The following NR1D1 variants were observed in gnomAD, a reference collection of about 807,000 sequenced individuals.
NR1D1 encodes the protein Rev-ErbAalpha.
In NR1D1, 17 loss-of-function variants were observed where a neutral mutation model predicts 51.1. The ratio of observed to expected loss-of-function variants is 0.33; its 90% CI spans 0.23 to 0.50. The LOEUF (loss-of-function observed/expected upper bound fraction) is 0.50, where lower values mean the gene tolerates loss of function less well. Ranked by LOEUF, NR1D1 falls within the 20% of genes least tolerant of loss-of-function variation. The pLI is 0.98. For missense variants in NR1D1, 647 were observed against 830.4 expected (o/e 0.78, Z 2.71); for synonymous variants, 341 against 333.4 (o/e 1.02, Z -0.25).
chr17:40,097,220 G>A lies in NR1D1; in HGVS notation c.215C>T (p.Pro72Leu), dbSNP rs768306746. Residue 72 changes from proline (P) to leucine (L), a missense_variant, in exon 2 of 8, where the codon CCA (proline) becomes CTA (leucine). Coordinates refer to ENST00000246672, the MANE Select transcript of NR1D1 (RefSeq NM_021724.5). Reference protein sequence around the residue: ...QDPARSFGSIPPSLSDDGSPS... With the variant: ...QDPARSFGSILPSLSDDGSPS... ...GGAGCCGTCATCACTCAGGCTGGGT[G>A]GAATGCTCCCAAAGGAGCGAGCCGG... The A allele has an allele frequency of 6.2e-7, 1 of 1,611,802 alleles. No homozygotes were observed. The highest frequency in any genetic ancestry group is 2.2e-5 in the East Asian group (1 of 44,840).
chr17:40,093,539 C>A lies in NR1D1; in HGVS notation c.1646-257G>T. On this transcript the variant is annotated intron_variant, in intron 7 of 7. Coordinates refer to ENST00000246672, the MANE Select transcript of NR1D1 (RefSeq NM_021724.5). The surrounding 1 kb of genome is among the most constrained non-coding windows in gnomAD (Gnocchi z 5.9). ...GACCACCTTCCCTTCCTCAGCAGGC[C>A]AAACATGGCCAGACTCCCTTGCTTT... 1 of 1,185,134 alleles carries A rather than the reference C, an allele frequency of 8.4e-7. No homozygotes were observed. The highest frequency in any genetic ancestry group is 1.2e-6 in the Non-Finnish European group (1 of 865,676). The allele number at this position is 1,185,134 out of a possible 1,614,324, so 73.4% of individuals were successfully genotyped here.
In NR1D1 at chr17:40,093,205, G is replaced by A. The variant is rs199728227; in HGVS notation, c.1723C>T (p.Leu575=). ...TLLRALRALV[L]KNRPLETSRF... ...GAAGTCTCCAAGGGCCGGTTCTTCA[G>A]CACCAGAGCCCGAAGAGCCCGCAGC... The change falls in exon 8 of 8, where the codon CTG becomes TTG. Residue 575 remains leucine (L), a synonymous_variant. Transcript: ENST00000246672. The surrounding 1 kb of genome is among the most constrained non-coding windows in gnomAD (Gnocchi z 5.9). 16 of 1,613,708 alleles carry A rather than the reference G, an allele frequency of 9.9e-6. No homozygotes were observed. Among genetic ancestry groups the A allele is most frequent in the Non-Finnish European group, 1.2e-5 (14 of 1,180,046 alleles).
In NR1D1 at chr17:40,094,497, C is replaced by T. The variant is rs192054440; in HGVS notation, c.1435-375G>A. Among the ~76,000 whole-genome samples, 482 of 152,352 alleles carry T rather than the reference C, an allele frequency of 3.2e-3. 2 individuals carry two copies. Among genetic ancestry groups the T allele is most frequent in the African/African-American group, 9.9e-3 (413 of 41,586 alleles). On this transcript the variant is annotated intron_variant, in intron 6 of 7. Transcript: ENST00000246672. Reference sequence around the variant, plus strand: ...GGAAGCAGCAGGAGCCGCTCAGCCCCTTTCACCAATCAGGCTATAAGGACA... The same window carrying T: ...GGAAGCAGCAGGAGCCGCTCAGCCCTTTTCACCAATCAGGCTATAAGGACA...
intron 5 of NR1D1, 48 bp from the exon 6 acceptor site, chr17:40,095,168 C>G (rs2145100415): frequency 3.8e-6 from 6 of 1,564,528 alleles, no homozygotes; most frequent in Non-Finnish European, 5.2e-6. Flanking sequence ...CAGGCTGGGT[C>G]AGATGGACGC....
Position 40,094,216 on chromosome 17 carries a change from C to T in NR1D1, c.1435-94G>A, listed in dbSNP as rs1987699026. 7.2e-6 allele frequency: 8 copies of T among 1,116,680 alleles called. No homozygotes were observed. In the South Asian group the frequency reaches 7.8e-5, roughly 11 times the overall value. The allele number at this position is 1,116,680 out of a possible 1,614,324, so 69.2% of individuals were successfully genotyped here. A position where few individuals can be genotyped will look rare whatever the true frequency, so the allele number is the denominator to read the frequency against. On this transcript the variant is annotated intron_variant, in intron 6 of 7. Transcript: ENST00000246672. ...TTGCCAGAGGGTTTAGCGGTGCTGC[C>T]TTCGATTTCTCAGTAGAGTGGGGGT...
chr17:40,094,142 GT>G lies in NR1D1; in HGVS notation c.1435-21del. On this transcript the variant is annotated intron_variant, in intron 6 of 7. Transcript: ENST00000246672. ...CAGCACCTAGGAGGGAAGGGGAACA[GT>G]CATCCTGGGTGTGGTGGGAGGAGCA... 6.2e-7 allele frequency: 1 copy of G among 1,609,500 alleles called. No homozygotes were observed. Among genetic ancestry groups the G allele is most frequent in the African/African-American group, 1.3e-5 (1 of 74,974 alleles).
intron 1 of NR1D1, among the ~76,000 whole-genome samples, chr17:40,099,028 G>A (rs1408567315): frequency 6.6e-6 from 1 of 151,272 alleles, no homozygotes; most frequent in South Asian, 2.1e-4. Context: ...GGGCCGGGCA[G>A]GCGGACCGGA....
chr17:40,093,307 G>A lies in NR1D1; in HGVS notation c.1646-25C>T, dbSNP rs1337049461. ...TCTGTGGGGAAGACGACAGCAGTGAGGCGGACTCCCCGAGCTCCTCTGAGG... is the reference window on the plus strand; with the variant it reads ...TCTGTGGGGAAGACGACAGCAGTGAAGCGGACTCCCCGAGCTCCTCTGAGG... On this transcript the variant is annotated intron_variant, in intron 7 of 7. Coordinates refer to ENST00000246672, the MANE Select transcript of NR1D1 (RefSeq NM_021724.5). This position sits in a 1 kb window ranked among gnomAD's most constrained non-coding sequence, Gnocchi z 5.9. The A allele has an allele frequency of 1.2e-6, 2 of 1,613,452 alleles. No homozygotes were observed. The highest frequency in any genetic ancestry group is 3.3e-5 in the Admixed American group (2 of 60,020).
At chr17:40,099,316 GGA>G in intron 1 of NR1D1, among the ~76,000 whole-genome samples, 1 of 152,264 alleles carries the variant, frequency 6.6e-6, no homozygotes, top group Non-Finnish European at 1.5e-5. Context: ...ACCTAGGGGA[GGA>G]GAGAAGGGAA....
At position 40,095,044 on chromosome 17, in the gene NR1D1, C is replaced by G. The variant is rs1328804414; in HGVS notation, c.1325G>C (p.Ser442Thr). The change falls in exon 6 of 8, where the codon AGC becomes ACC. Residue 442 changes from serine (S) to threonine (T), a missense_variant. By Grantham distance (58) the Ser-to-Thr change is moderately conservative. Transcript: ENST00000246672. Reference sequence around the variant, plus strand: ...CACCTCCCGCACAGCGGGCGTGAAGCTCATGGAGAAATCCTCCCAGATCTC... The same window carrying G: ...CACCTCCCGCACAGCGGGCGTGAAGGTCATGGAGAAATCCTCCCAGATCTC... ...VQEIWEDFSMSFTPAVREVVE... is the reference protein window; with the variant it reads ...VQEIWEDFSMTFTPAVREVVE... 2.5e-6 allele frequency: 4 copies of G among 1,614,028 alleles called. No individual in the cohort carries two copies. Among genetic ancestry groups the G allele is most frequent in the Non-Finnish European group, 1.7e-6 (2 of 1,180,040 alleles).
Position 40,096,045 on chromosome 17 carries a change from A to G in NR1D1, c.647T>C (p.Met216Thr). 1 of 1,612,820 alleles carries G rather than the reference A, an allele frequency of 6.2e-7. No homozygotes were observed. The highest frequency in any genetic ancestry group is 8.5e-7 in the Non-Finnish European group (1 of 1,180,014). ...GRIPKREKQR[M>T]LAEMQSAMNL... ...CATGGCACTCTGCATCTCAGCAAGC[A>G]TCCGCTGCTTCTCTCGTTTGGGGAT... The change falls in exon 5 of 8, where the codon ATG becomes ACG. Residue 216 changes from methionine (M) to threonine (T), a missense_variant. This residue lies in a region of NR1D1 where 70 missense variants were observed against 134.8 expected (regional missense o/e 0.52). Coordinates refer to ENST00000246672, the MANE Select transcript of NR1D1 (RefSeq NM_021724.5).
chr17:40,093,469 C>T lies in NR1D1; in HGVS notation c.1646-187G>A. ...CCCAAGAGCAGGAGGTGCCTGAAAG[C>T]TGGGAGCGTGGGCTCAGCAGGGCTG... On this transcript the variant is annotated intron_variant, in intron 7 of 7. Coordinates refer to ENST00000246672, the MANE Select transcript of NR1D1 (RefSeq NM_021724.5). The surrounding 1 kb of genome is among the most constrained non-coding windows in gnomAD (Gnocchi z 5.9). The T allele has an allele frequency of 6.7e-7, 1 of 1,490,996 alleles. No individual in the cohort carries two copies. The highest frequency in any genetic ancestry group is 1.3e-5 in the South Asian group (1 of 74,356). The allele number at this position is 1,490,996 out of a possible 1,614,324, so 92.4% of individuals were successfully genotyped here.
At position 40,097,077 on chromosome 17, in the gene NR1D1, T is replaced by C; in HGVS notation, c.358A>G (p.Ser120Gly). 6.3e-7 allele frequency: 1 copy of C among 1,599,506 alleles called. No homozygotes were observed. The highest frequency in any genetic ancestry group is 8.5e-7 in the Non-Finnish European group (1 of 1,172,190). The change falls in exon 2 of 8, where the codon AGC (serine) becomes GGC (glycine). Residue 120 changes from serine (S) to glycine (G), a missense_variant. Ser to Gly is a moderately conservative substitution (Grantham distance 56, BLOSUM62 0). Transcript: ENST00000246672. ...GAAAGGTACTCACTGGTGATGTTGC[T>C]GGTGCTCTTGCTGGGGGACACTCGG... The part of the protein sequence containing the change: ...SSRVSPSKST[S>G]NITKLNGMVL...
In NR1D1 at chr17:40,093,218, A is replaced by AAGAGCCCGC. The variant is rs1007272149; in HGVS notation, c.1701_1709dup (p.Arg571_Leu573dup). On this transcript the variant is annotated inframe_insertion, in exon 8 of 8. Transcript: ENST00000246672. The surrounding 1 kb of genome is among the most constrained non-coding windows in gnomAD (Gnocchi z 5.9). Reference sequence around the variant, plus strand: ...GCCGGTTCTTCAGCACCAGAGCCCGAAGAGCCCGCAGCAGCGTCTCCTGGA... The same window carrying AAGAGCCCGC: ...GCCGGTTCTTCAGCACCAGAGCCCGAAGAGCCCGCAGAGCCCGCAGCAGCGTCTCCTGGA... The AAGAGCCCGC allele has an allele frequency of 6.2e-7, 1 of 1,613,702 alleles. No homozygotes were observed. Among genetic ancestry groups the AAGAGCCCGC allele is most frequent in the African/African-American group, 1.3e-5 (1 of 75,026 alleles).
At chr17:40,097,454 C>T in intron 1 of NR1D1, 51 bp from the exon 2 acceptor site, 12 of 1,470,080 alleles carry the variant, frequency 8.2e-6, no homozygotes, top group Non-Finnish European at 1.0e-5. Flanking sequence ...GTCTCCGGAC[C>T]TAGGGTGCCA....
intron 2 of NR1D1, 30 bp downstream of exon 2, chr17:40,097,034 CT>C: frequency 6.4e-7 from 1 of 1,556,774 alleles, no homozygotes. Flanking sequence ...GCCTGCTTCC[CT>C]TCCCCCGAAT....
At chr17:40,095,296 A>G in intron 5 of NR1D1, 148 bp downstream of exon 5, 2 of 1,184,308 alleles carry the variant, frequency 1.7e-6, no homozygotes, top group Non-Finnish European at 2.3e-6. Flanking sequence ...TCCCAGGCAG[A>G]GTCCAGACTG....
rs148075782 is a variant in NR1D1, at chr17:40,095,739, T to C, written c.953A>G (p.His318Arg). The change falls in exon 5 of 8, where the codon CAT (histidine) becomes CGT (arginine). Residue 318 changes from histidine to arginine, a missense_variant. This residue lies in a region of NR1D1 where 185 missense variants were observed against 176.3 expected (regional missense o/e 1.05). Coordinates refer to ENST00000246672, the MANE Select transcript of NR1D1 (RefSeq NM_021724.5). ...GGTGGCTGGAGGGCTACCTGATGCA[T>C]GGTTGGCATTGAAGTTGCCAGGTGA... is the stretch of plus-strand genomic sequence containing the variant. ...GSSPGNFNANHASGSPPATTP... is the reference protein window; with the variant it reads ...GSSPGNFNANRASGSPPATTP... 4.3e-4 allele frequency: 702 copies of C among 1,613,934 alleles called. No individual in the cohort carries two copies. Among genetic ancestry groups the C allele is most frequent in the Non-Finnish European group, 4.6e-4 (545 of 1,179,964 alleles).
At chr17:40,098,886 G>C (rs1261552127) in intron 1 of NR1D1, among the ~76,000 whole-genome samples, 2 of 152,144 alleles carry the variant, frequency 1.3e-5, no homozygotes, top group Admixed American at 1.3e-4. Flanking sequence ...GGTGAAGTAG[G>C]TGCAAATAAG....
Sources: gnomAD v4.1 joint callset for allele counts (sites outside exome capture counted in the v4.1 genomes callset) on GRCh38, gnomAD v4.1.1 for gene constraint, gnomAD v4.1.1 regional missense constraint, Gnocchi (gnomAD v3.1) non-coding constraint, MANE v1.5 for transcripts, NCBI Gene and HGNC (gene_info 2026-07-23, HGNC 2026-07-21) for gene names.